Variants in RERE observed in about 807,000 individuals in gnomAD.
RERE encodes the protein arginine-glutamic acid dipeptide repeats protein.
A neutral mutation model predicts 146.1 loss-of-function variants in RERE; 40 were observed. That is an observed-to-expected ratio of 0.27 (90% CI 0.21 to 0.36). RERE has a LOEUF of 0.36. RERE is among the 10% of genes least tolerant of loss of function. The pLI is 1.00. For missense variants in RERE, 1,933 were observed against 2,138.7 expected (o/e 0.90, Z 1.90); for synonymous variants, 1,003 against 866.0 (o/e 1.16, Z -2.78).
chr1:8,574,285 G>A (rs964796492), intron 4 of RERE, among the ~76,000 whole-genome samples: 1 of 146,452 alleles, frequency 6.8e-6, no homozygotes, highest in Admixed American at 6.8e-5. Context: ...CACAGAACAT[G>A]TTCTGTATGA....
rs143188533 is a variant in RERE, at chr1:8,377,794, G to A, written c.1285-11820C>T. On this transcript the variant is annotated intron_variant, in intron 12 of 22. Coordinates refer to ENST00000400908, the MANE Select transcript of RERE (RefSeq NM_001042681.2). ...GGGAGCGGGACGAACGATGAAGGAT[G>A]AGAGAGCGAGGCCTGCCGCAGGACG... Among the ~76,000 whole-genome samples, 60 of 152,328 alleles carry A rather than the reference G, an allele frequency of 3.9e-4. 1 individual carries two copies. The East Asian group carries it at 0.011, about 27-fold the overall frequency.
At chr1:8,642,449 A>G (rs796671698) in intron 2 of RERE, among the ~76,000 whole-genome samples, 44 of 152,350 alleles carry the variant, frequency 2.9e-4, no homozygotes, top group African/African-American at 1.1e-3. Flanking sequence ...AACATCTAAG[A>G]GAATTTTTTA....
intron 4 of RERE, among the ~76,000 whole-genome samples, chr1:8,606,353 A>C (rs958375681): frequency 2.0e-5 from 3 of 152,180 alleles, no homozygotes; most frequent in Admixed American, 6.5e-5. Flanking sequence ...TTTCCAATTT[A>C]TGTTCCAGGA....
At position 8,607,534 on chromosome 1, in the gene RERE, C is replaced by CTTTTTTTTTTTTTTTTT. The variant is rs1167501074; in HGVS notation, c.522+7010_522+7026dup. Among the ~76,000 whole-genome samples, 65 of 48,584 alleles carry CTTTTTTTTTTTTTTTTT rather than the reference C, an allele frequency of 1.3e-3. 18 individuals carry two copies. The highest frequency in any genetic ancestry group is 5.2e-3 in the East Asian group (6 of 1,160). 31.9% of individuals were successfully genotyped at this position (48,584 alleles called of 152,430 possible). On this transcript the variant is annotated intron_variant, in intron 4 of 22. Transcript: ENST00000400908. ...CGCATATTTGTTTTTATATATATTT[C>CTTTTTTTTTTTTTTTTT]TTTTTTTTTTTTTTTTTTTTTTTTT...
chr1:8,411,622 C>T (rs923157441), intron 12 of RERE, among the ~76,000 whole-genome samples: 1 of 152,130 alleles, frequency 6.6e-6, no homozygotes, highest in Non-Finnish European at 1.5e-5. Context: ...ACAGAGTGAG[C>T]TTTGGATACA....
intron 7 of RERE, among the ~76,000 whole-genome samples, chr1:8,525,013 C>T (rs1010550582): frequency 3.9e-5 from 6 of 152,086 alleles, no homozygotes; most frequent in Non-Finnish European, 5.9e-5. Context: ...AACAAAATAC[C>T]TAAACTTCAA....
At chr1:8,718,769 C>G (rs1639807885) in intron 1 of RERE, among the ~76,000 whole-genome samples, 2 of 152,132 alleles carry the variant, frequency 1.3e-5, no homozygotes, top group Admixed American at 1.3e-4. Context: ...AACTGCATAA[C>G]CTTGGGAAAG....
At chr1:8,748,620 T>C (rs1256557805) in intron 1 of RERE, among the ~76,000 whole-genome samples, 5 of 152,202 alleles carry the variant, frequency 3.3e-5, no homozygotes, top group Admixed American at 3.3e-4. Context: ...CATGCATTAA[T>C]TCCAGCACCA....
intron 4 of RERE, among the ~76,000 whole-genome samples, chr1:8,596,620 G>A (rs563846810): frequency 3.5e-4 from 53 of 150,868 alleles, no homozygotes; most frequent in African/African-American, 1.2e-3. Context: ...CAATTCTCTT[G>A]TCTGTGGCCT....
At chr1:8,648,530 C>T (rs1341073021) in intron 2 of RERE, among the ~76,000 whole-genome samples, 2 of 152,168 alleles carry the variant, frequency 1.3e-5, no homozygotes, top group African/African-American at 4.8e-5. Flanking sequence ...CTGCACCTGA[C>T]CTATAGTCAT....
chr1:8,771,802 CG>C (rs1354723992), intron 1 of RERE, among the ~76,000 whole-genome samples: 4 of 147,448 alleles, frequency 2.7e-5, no homozygotes, highest in Non-Finnish European at 5.9e-5. Context: ...CCCAGCTACT[CG>C]GGAGGCAGAG....
chr1:8,810,778 T>C (rs1641791193), intron 1 of RERE, among the ~76,000 whole-genome samples: 5 of 152,120 alleles, frequency 3.3e-5, no homozygotes, highest in Admixed American at 2.6e-4. Context: ...TAGTATAAAA[T>C]GTTTCTGAGG....
chr1:8,513,754 T>C (rs921207410), intron 7 of RERE, among the ~76,000 whole-genome samples: 18 of 152,192 alleles, frequency 1.2e-4, no homozygotes, highest in Admixed American at 1.2e-3. Flanking sequence ...TACTCCAGCC[T>C]GGGCAACAAG....
At chr1:8,465,537 TA>T in intron 11 of RERE, 2 of 345,964 alleles carry the variant, frequency 5.8e-6, no homozygotes, top group South Asian at 4.5e-5. Flanking sequence ...TAATTATGAT[TA>T]AAAAAAAGAC....
chr1:8,498,222 G>A (rs962120814), intron 8 of RERE, among the ~76,000 whole-genome samples: 7 of 151,992 alleles, frequency 4.6e-5, no homozygotes, highest in African/African-American at 7.2e-5. Flanking sequence ...AGCCGAGCAC[G>A]GTGGCGGGCG....
intron 4 of RERE, among the ~76,000 whole-genome samples, chr1:8,560,604 A>G (rs949703376): frequency 6.6e-6 from 1 of 152,190 alleles, no homozygotes; most frequent in Admixed American, 6.5e-5. Context: ...TTCTGTAAAA[A>G]GGAGATACTG....
At chr1:8,649,980 G>C (rs926451141) in intron 2 of RERE, among the ~76,000 whole-genome samples, 1 of 152,062 alleles carries the variant, frequency 6.6e-6, no homozygotes, top group African/African-American at 2.4e-5. Context: ...AGTGACACTG[G>C]GGTGGCAGAG....
chr1:8,666,555 C>A (rs970853338), intron 1 of RERE, among the ~76,000 whole-genome samples: 1 of 152,188 alleles, frequency 6.6e-6, no homozygotes, highest in East Asian at 1.9e-4. Context: ...ATCAACATGC[C>A]TGGGAAAGAA....
chr1:8,607,245 G>A (rs1428006376), intron 4 of RERE, among the ~76,000 whole-genome samples: 5 of 151,476 alleles, frequency 3.3e-5, no homozygotes, highest in African/African-American at 9.7e-5. Context: ...CTGTATTCCC[G>A]GCTACTCAGG....
Sources: allele counts gnomAD v4.1 joint callset (sites outside exome capture counted in the v4.1 genomes callset), GRCh38; gene constraint gnomAD v4.1.1; transcripts MANE v1.5; gene names NCBI Gene and HGNC (gene_info 2026-07-23, HGNC 2026-07-21).